Variants in SEPTIN9 observed in about 807,000 individuals in gnomAD.
The protein encoded by SEPTIN9 is septin-9.
A neutral mutation model predicts 56.6 loss-of-function variants in SEPTIN9; 13 were observed. The ratio of observed to expected loss-of-function variants is 0.23; its 90% CI spans 0.15 to 0.37. The LOEUF is 0.37. Ranked by LOEUF, SEPTIN9 falls within the 10% of genes least tolerant of loss-of-function variation. The pLI is 1.00. For missense variants in SEPTIN9, 650 were observed against 823.1 expected, an observed-to-expected ratio of 0.79 and a Z score of 2.57; for synonymous variants, 332 against 334.1, an observed-to-expected ratio of 0.99 and a Z score of 0.07.
chr17:77,461,576 T>G (rs901930559), intron 3 of SEPTIN9, among the ~76,000 whole-genome samples: 1 of 152,354 alleles, frequency 6.6e-6, no homozygotes, highest in African/African-American at 2.4e-5. Context: ...TGTTGCTGTT[T>G]AAGTGATAGC....
At chr17:77,348,954 G>A (rs753503844) in intron 2 of SEPTIN9, among the ~76,000 whole-genome samples, 5 of 152,202 alleles carry the variant, frequency 3.3e-5, no homozygotes, top group Non-Finnish European at 7.3e-5. Context: ...TTCCTGAAGA[G>A]CTGAGTTCCC....
intron 2 of SEPTIN9, among the ~76,000 whole-genome samples, chr17:77,345,674 C>G (rs904378145): frequency 6.6e-6 from 1 of 152,152 alleles, no homozygotes; most frequent in Non-Finnish European, 1.5e-5. Flanking sequence ...ACTGGGCACA[C>G]GCCACTGGCA....
intron 3 of SEPTIN9, chr17:77,466,692 T>A: frequency 6.9e-6 from 3 of 431,764 alleles, no homozygotes; most frequent in Non-Finnish European, 9.3e-6. Context: ...CTCCCTCATT[T>A]AACCAGCTAA....
At chr17:77,298,912 C>T (rs1054978078) in intron 1 of SEPTIN9, among the ~76,000 whole-genome samples, 4 of 152,206 alleles carry the variant, frequency 2.6e-5, no homozygotes, top group Non-Finnish European at 4.4e-5. Flanking sequence ...CTTCTGGGCT[C>T]AAGTGATTCT....
At chr17:77,461,465 A>G (rs940252223) in intron 3 of SEPTIN9, among the ~76,000 whole-genome samples, 2 of 152,120 alleles carry the variant, frequency 1.3e-5, no homozygotes, top group Admixed American at 1.3e-4. Flanking sequence ...CACATGAAAG[A>G]TGTTCCTAGA....
rs1361242010 is a variant in SEPTIN9 at position 77,307,166 on chromosome 17, G to T, written c.45G>T (p.Arg15=). ...YSGGTRTSSG[R]LRRLGDSSGP... ...GAGGCACGCGGACCTCCAGTGGCCG[G>T]CTCCGGAGGCTTGGTGACTCCAGTG... Residue 15 remains arginine (R), a synonymous_variant, in exon 2 of 12, where the codon CGG becomes CGT. Coordinates refer to ENST00000427177, the MANE Select transcript of SEPTIN9 (RefSeq NM_001113491.2). The T allele has an allele frequency of 1.2e-6, 2 of 1,613,886 alleles. No homozygotes were observed. The highest frequency in any genetic ancestry group is 2.7e-5 in the African/African-American group (2 of 75,038).
intron 7 of SEPTIN9, 76 bp downstream of exon 7, chr17:77,488,940 G>C: frequency 6.4e-7 from 1 of 1,570,512 alleles, no homozygotes; most frequent in Non-Finnish European, 8.6e-7. Flanking sequence ...GCAAGACGGT[G>C]CTGTCTGCCC....
In SEPTIN9 at chr17:77,296,152, G is replaced by A. The variant is rs905640463; in HGVS notation, c.20-10989G>A. ...CAGCAGGGAGGTGGGTACAAGCCAG[G>A]AAGAGGGGCCTCGCCGGGAACTAAC... On this transcript the variant is annotated intron_variant, in intron 1 of 11. Coordinates refer to ENST00000427177, the MANE Select transcript of SEPTIN9 (RefSeq NM_001113491.2). Among the ~76,000 whole-genome samples the A allele has an allele frequency of 5.3e-5, 8 of 152,278 alleles. No individual in the cohort carries two copies. In the East Asian group the frequency reaches 9.7e-4, roughly 18 times the overall value.
rs1202509949 is a variant in SEPTIN9 at position 77,493,003 on chromosome 17, G to A, written c.1500G>A (p.Val500=). Residue 500 remains valine (V), a synonymous_variant, in exon 10 of 12, where the codon GTG becomes GTA. Transcript: ENST00000427177. ...AGGAGATGATCCCATTTGCTGTGGT[G>A]GGCAGTGACCACGAGTACCAGGTCA... is the stretch of plus-strand genomic sequence containing the variant. ...KFREMIPFAV[V]GSDHEYQVNG... The A allele has an allele frequency of 1.9e-6, 3 of 1,568,328 alleles. No homozygotes were observed. The South Asian group carries it at 3.5e-5, about 18-fold the overall frequency.
intron 7 of SEPTIN9, among the ~76,000 whole-genome samples, 178 bp downstream of exon 7, chr17:77,489,042 C>G (rs2039918827): frequency 9.1e-6 from 1 of 109,984 alleles, no homozygotes; most frequent in African/African-American, 4.7e-5. Flanking sequence ...AAGCCTCACA[C>G]TGACCCCTAT....
chr17:77,455,031 C>T (rs1402458067), intron 3 of SEPTIN9, among the ~76,000 whole-genome samples: 4 of 151,568 alleles, frequency 2.6e-5, no homozygotes, highest in African/African-American at 9.7e-5. Context: ...CCGGCCTAAA[C>T]GCGATTGGCT....
intron 3 of SEPTIN9, among the ~76,000 whole-genome samples, chr17:77,479,743 C>A (rs1043419152): frequency 2.2e-4 from 34 of 151,854 alleles, no homozygotes; most frequent in African/African-American, 8.2e-4. Flanking sequence ...AGCGCCTCCC[C>A]CCAGGTCCTG....
At chr17:77,295,839 T>C (rs549626767) in intron 1 of SEPTIN9, among the ~76,000 whole-genome samples, 17 of 149,232 alleles carry the variant, frequency 1.1e-4, no homozygotes, top group African/African-American at 3.4e-4. Flanking sequence ...CTTGCAATCA[T>C]TGGCGACGCT....
At chr17:77,331,773 C>T (rs757631642) in intron 2 of SEPTIN9, among the ~76,000 whole-genome samples, 1 of 152,168 alleles carries the variant, frequency 6.6e-6, no homozygotes, top group African/African-American at 2.4e-5. Flanking sequence ...ACGGGGGTGC[C>T]TCCTTCCCCG....
intron 7 of SEPTIN9, among the ~76,000 whole-genome samples, chr17:77,489,542 C>G (rs2039938253): frequency 6.6e-6 from 1 of 152,206 alleles, no homozygotes; most frequent in Admixed American, 6.5e-5. Context: ...CAGAGGCCAG[C>G]AGGAGTGGCT....
chr17:77,391,747 T>G (rs1350888865), intron 2 of SEPTIN9, among the ~76,000 whole-genome samples: 1 of 152,208 alleles, frequency 6.6e-6, no homozygotes, highest in African/African-American at 2.4e-5. Context: ...CCGTAGGACT[T>G]CTTTTCCCTT....
rs970873634 is a variant in SEPTIN9, at chr17:77,437,844, G to A, written c.721+35141G>A. 6.6e-6 allele frequency among the ~76,000 whole-genome samples: 1 copy of A among 152,232 alleles called. No homozygotes were observed. Among genetic ancestry groups the A allele is most frequent in the Non-Finnish European group, 1.5e-5 (1 of 68,040 alleles). On this transcript the variant is annotated intron_variant, in intron 3 of 11. Transcript: ENST00000427177. The surrounding 1 kb of genome is among the most constrained non-coding windows in gnomAD (Gnocchi z 5.3). ...CCCACTCCCTGTAAGAAAGTCAGGT[G>A]CCTCCCGAAGCTTCTCCCTGGCCCC...
intron 2 of SEPTIN9, chr17:77,380,144 C>G (rs2035084301): frequency 5.9e-6 from 1 of 170,512 alleles, no homozygotes; most frequent in Non-Finnish European, 1.3e-5. Context: ...GGCCAGCAGA[C>G]AGTTCTAGAG....
chr17:77,415,983 G>A (rs2036493209), intron 3 of SEPTIN9, among the ~76,000 whole-genome samples: 1 of 152,222 alleles, frequency 6.6e-6, no homozygotes, highest in Non-Finnish European at 1.5e-5. Context: ...AACACAGATA[G>A]TATTTAATGC....
Sources: gnomAD v4.1 joint callset for allele counts (sites outside exome capture counted in the v4.1 genomes callset) on GRCh38, gnomAD v4.1.1 for gene constraint, Gnocchi (gnomAD v3.1) non-coding constraint, MANE v1.5 for transcripts, NCBI Gene and HGNC (gene_info 2026-07-23, HGNC 2026-07-21) for gene names.